The following PPARGC1A variants were observed in gnomAD, a reference collection of about 807,000 sequenced individuals.
The protein encoded by PPARGC1A is PPARG coactivator 1 alpha, also known as peroxisome proliferator-activated receptor gamma coactivator 1-alpha.
PPARGC1A carries 25 observed loss-of-function variants against 88.7 expected under a neutral mutation model. The observed-to-expected ratio is 0.28, with a 90% confidence interval of 0.21 to 0.39. PPARGC1A has a LOEUF of 0.39. PPARGC1A is among the 10% of genes least tolerant of loss of function. The pLI is 1.00. For synonymous variants in PPARGC1A, 363 were observed against 355.6 expected (o/e 1.02, Z -0.24); for missense variants, 880 against 968.7 (o/e 0.91, Z 1.22).
chr4:24,191,957 C>T, the PPARGC1A span, among the ~76,000 whole-genome samples: 49 of 152,304 alleles, frequency 3.2e-4, no homozygotes, highest in Middle Eastern at 6.8e-3. Context: ...TTCTTGGAGA[C>T]GGGGATGTGT....
At chr4:24,401,868 T>A in the PPARGC1A span, among the ~76,000 whole-genome samples, 23 of 152,244 alleles carry the variant, frequency 1.5e-4, no homozygotes, top group African/African-American at 5.3e-4. Flanking sequence ...AACATGTAAG[T>A]CTTGGCTATT....
chr4:24,157,100 A>C, the PPARGC1A span, among the ~76,000 whole-genome samples: 14 of 152,330 alleles, frequency 9.2e-5, no homozygotes, highest in African/African-American at 3.1e-4. Context: ...TCTGGGTTCA[A>C]ATCCCAGCAA....
the PPARGC1A span, among the ~76,000 whole-genome samples, chr4:24,185,532 T>G: frequency 4.6e-5 from 7 of 152,306 alleles, no homozygotes; most frequent in East Asian, 1.3e-3. Flanking sequence ...ATGGTGGTGT[T>G]GTATTTCTCC....
chr4:24,053,065 G>C, the PPARGC1A span, among the ~76,000 whole-genome samples: 1 of 150,932 alleles, frequency 6.6e-6, no homozygotes, highest in African/African-American at 2.4e-5. Flanking sequence ...TAGAGACAGG[G>C]TTTTACCGTG....
the PPARGC1A span, among the ~76,000 whole-genome samples, chr4:24,305,590 A>G: frequency 6.6e-6 from 1 of 152,150 alleles, no homozygotes; most frequent in Non-Finnish European, 1.5e-5. Flanking sequence ...AGGCAGGTGG[A>G]TCACCTGAAG....
the PPARGC1A span, among the ~76,000 whole-genome samples, chr4:24,166,499 G>A: frequency 6.6e-6 from 1 of 152,190 alleles, no homozygotes; most frequent in Admixed American, 6.5e-5. Flanking sequence ...TCAATGCTTG[G>A]CTTCAAAGCT....
chr4:24,196,472 A>G, the PPARGC1A span, among the ~76,000 whole-genome samples: 1 of 152,240 alleles, frequency 6.6e-6, no homozygotes, highest in Non-Finnish European at 1.5e-5. Context: ...AGATGGTAGT[A>G]ATAACAATTA....
At chr4:24,276,656 T>A in the PPARGC1A span, among the ~76,000 whole-genome samples, 1 of 152,214 alleles carries the variant, frequency 6.6e-6, no homozygotes, top group Non-Finnish European at 1.5e-5. Flanking sequence ...TAATTAGCAA[T>A]TCATTCTTTG....
At chr4:24,452,674 A>G in the PPARGC1A span, among the ~76,000 whole-genome samples, 7 of 152,182 alleles carry the variant, frequency 4.6e-5, no homozygotes, top group East Asian at 3.8e-4. Flanking sequence ...ACTCTATTCA[A>G]TCACGTGTGG....
At chr4:24,419,352 AGTGT>A in the PPARGC1A span, among the ~76,000 whole-genome samples, 44,664 of 138,576 alleles carry the variant, frequency 0.32, 7,464 homozygotes, top group Non-Finnish European at 0.36. Flanking sequence ...CAAATCTTCA[AGTGT>A]GTGTGTGTGT....
At chr4:23,946,521 C>G in the PPARGC1A span, among the ~76,000 whole-genome samples, 1 of 151,444 alleles carries the variant, frequency 6.6e-6, no homozygotes, top group Non-Finnish European at 1.5e-5. Context: ...CAGTGCCCAG[C>G]TCAAAGGACA....
the PPARGC1A span, among the ~76,000 whole-genome samples, chr4:23,998,924 T>A: frequency 1.3e-5 from 2 of 152,254 alleles, no homozygotes; most frequent in African/African-American, 4.8e-5. Context: ...CCAAATGGGA[T>A]ACTGTGACTA....
chr4:23,893,147 C>T (rs1718094776), upstream of PPARGC1A, among the ~76,000 whole-genome samples: 1 of 150,702 alleles, frequency 6.6e-6, no homozygotes, highest in South Asian at 2.1e-4. Context: ...TTAGTAGAGG[C>T]AGGAGAATCT....
the PPARGC1A span, among the ~76,000 whole-genome samples, chr4:24,103,247 C>T: frequency 6.6e-6 from 1 of 152,070 alleles, no homozygotes; most frequent in South Asian, 2.1e-4. Flanking sequence ...AGAGCCCTCT[C>T]CATTAGCCAC....
chr4:24,076,222 T>C, the PPARGC1A span, among the ~76,000 whole-genome samples: 1 of 152,132 alleles, frequency 6.6e-6, no homozygotes, highest in African/African-American at 2.4e-5. Flanking sequence ...CCCTGTGAGA[T>C]GCCTGCTATT....
At chr4:23,859,234 G>C (rs1306864949) in intron 2 of PPARGC1A, among the ~76,000 whole-genome samples, 1 of 152,084 alleles carries the variant, frequency 6.6e-6, no homozygotes, top group East Asian at 1.9e-4. Flanking sequence ...TGCTTAAAAT[G>C]TCAGTCCCAA....
the PPARGC1A span, among the ~76,000 whole-genome samples, chr4:24,210,810 C>T: frequency 1.3e-5 from 2 of 152,266 alleles, no homozygotes; most frequent in South Asian, 2.1e-4. Context: ...CAAAAGCAGG[C>T]GGGAGCTGCG....
At chr4:23,855,465 G>A (rs1159968234) in intron 2 of PPARGC1A, among the ~76,000 whole-genome samples, 3 of 152,156 alleles carry the variant, frequency 2.0e-5, no homozygotes, top group Non-Finnish European at 4.4e-5. Context: ...CTAACTGAAC[G>A]CTCTCTTGGG....
chr4:24,472,781 T>TGTGTGC, the PPARGC1A span, among the ~76,000 whole-genome samples: 7 of 151,242 alleles, frequency 4.6e-5, no homozygotes, highest in South Asian at 2.1e-4. This position sits in a 1 kb window ranked among gnomAD's most constrained non-coding sequence, Gnocchi z 4.5. Context: ...TGCGCGCGTG[T>TGTGTGC]GTGTGCGTGT....
Sources: gnomAD v4.1 joint callset for allele counts (sites outside exome capture counted in the v4.1 genomes callset) on GRCh38, gnomAD v4.1.1 for gene constraint, Gnocchi (gnomAD v3.1) non-coding constraint, MANE v1.5 for transcripts, NCBI Gene and HGNC (gene_info 2026-07-23, HGNC 2026-07-21) for gene names.